SLC31A1: variants seen among roughly 807,000 people sequenced by gnomAD.
SLC31A1 encodes the protein high affinity copper uptake protein 1.
A neutral mutation model predicts 17.2 loss-of-function variants in SLC31A1; 5 were observed. The observed-to-expected ratio is 0.29, with a 90% CI of 0.15 to 0.61. The LOEUF (loss-of-function observed/expected upper bound fraction) is 0.61, where lower values mean the gene tolerates loss of function less well. Ranked by LOEUF, SLC31A1 falls within the 20% of genes least tolerant of loss-of-function variation. The pLI is 0.86. For missense variants in SLC31A1, 161 were observed against 241.4 expected (o/e 0.67, Z 2.21); for synonymous variants, 76 against 78.8 (o/e 0.96, Z 0.19).
intron 1 of SLC31A1, among the ~76,000 whole-genome samples, chr9:113,223,938 A>G (rs1482786387): frequency 6.6e-6 from 1 of 152,242 alleles, no homozygotes; most frequent in East Asian, 1.9e-4. Context: ...TAGGGCCATT[A>G]GTTGGTTAAC....
At chr9:113,227,759 A>G (rs1455897443) in intron 1 of SLC31A1, 1 of 152,248 alleles carries the variant, frequency 6.6e-6, no homozygotes, top group African/African-American at 2.4e-5. Flanking sequence ...AATGCTATGT[A>G]ATATAACTAA....
At position 113,250,675 on chromosome 9, in the gene SLC31A1, TA is replaced by T. The variant is rs779452254; in HGVS notation, c.-35-5427del. On this transcript the variant is annotated intron_variant, in intron 1 of 4. Coordinates refer to ENST00000374212, the MANE Select transcript of SLC31A1 (RefSeq NM_001859.4). ...CACATGTACCCTAAAACTTAAAGTA[TA>T]AAAAAAAAAAACTTCAAAAAAAAAA... 4.5e-3 allele frequency among the ~76,000 whole-genome samples: 534 copies of T among 119,984 alleles called. 3 individuals carry two copies. Among genetic ancestry groups the T allele is most frequent in the African/African-American group, 0.012 (392 of 32,144 alleles). 78.7% of individuals were successfully genotyped at this position (119,984 alleles called of 152,430 possible).
Position 113,263,221 on chromosome 9 carries a change from A to G in SLC31A1, c.*2748A>G, listed in dbSNP as rs2118526650. ...CTATGACTTTGAAATTCACAGAAAGAAATAACAGTTTAGATTAGGTCTTCA... is the reference window on the plus strand; with the variant it reads ...CTATGACTTTGAAATTCACAGAAAGGAATAACAGTTTAGATTAGGTCTTCA... On this transcript the variant is annotated 3_prime_UTR_variant, in exon 5 of 5. Coordinates refer to ENST00000374212, the MANE Select transcript of SLC31A1 (RefSeq NM_001859.4). 1 of 152,330 alleles carries G rather than the reference A, an allele frequency of 6.6e-6. No individual in the cohort carries two copies. The highest frequency in any genetic ancestry group is 1.9e-4 in the East Asian group (1 of 5,186). The allele number at this position is 152,330 out of a possible 1,614,324, so 9.4% of individuals were successfully genotyped here.
intron 1 of SLC31A1, among the ~76,000 whole-genome samples, chr9:113,227,084 T>G (rs1165749147): frequency 2.0e-5 from 3 of 152,126 alleles, no homozygotes; most frequent in African/African-American, 7.2e-5. Context: ...TCGATAGGTA[T>G]GCAATAAATA....
intron 1 of SLC31A1, among the ~76,000 whole-genome samples, chr9:113,252,047 CACTTCAAAACAGGTGCAT>C (rs1831660118): frequency 6.6e-6 from 1 of 152,194 alleles, no homozygotes; most frequent in Admixed American, 6.5e-5. Context: ...GCACAAATGA[CACTTCAAAACAGGTGCAT>C]ACTTTGAAAG....
At chr9:113,257,710 A>G (rs1338290284) in intron 3 of SLC31A1, among the ~76,000 whole-genome samples, 1 of 151,182 alleles carries the variant, frequency 6.6e-6, no homozygotes, top group Non-Finnish European at 1.5e-5. Flanking sequence ...CTGGTCTCGA[A>G]CTCCTCACCT....
chr9:113,247,264 C>T (rs895041660), intron 1 of SLC31A1, among the ~76,000 whole-genome samples: 9 of 152,104 alleles, frequency 5.9e-5, no homozygotes, highest in Non-Finnish European at 1.0e-4. Flanking sequence ...TGACCCTAAT[C>T]GTTTTAAGAA....
intron 1 of SLC31A1, among the ~76,000 whole-genome samples, chr9:113,252,946 C>CTTTTTTTTTTTT (rs1282361795): frequency 4.4e-5 from 5 of 113,702 alleles, no homozygotes; most frequent in East Asian, 2.6e-4. Context: ...CTTTTCTTTT[C>CTTTTTTTTTTTT]TTTTTTTCTT....
At chr9:113,230,930 C>T (rs1466189384) in intron 1 of SLC31A1, among the ~76,000 whole-genome samples, 1 of 152,108 alleles carries the variant, frequency 6.6e-6, no homozygotes, top group African/African-American at 2.4e-5. Context: ...TTTCCCTGTT[C>T]AATAGCAAGT....
chr9:113,256,751 C>T (rs1831732893), intron 2 of SLC31A1, among the ~76,000 whole-genome samples: 1 of 151,816 alleles, frequency 6.6e-6, no homozygotes, highest in Non-Finnish European at 1.5e-5. Flanking sequence ...GTCCCAGCTA[C>T]TTGGGAGGCT....
chr9:113,260,484 T>C lies in SLC31A1; in HGVS notation c.*11T>C. On this transcript the variant is annotated 3_prime_UTR_variant, in exon 5 of 5. Transcript: ENST00000374212. ...GAGCATTGCCATTGACATCAAACTC[T>C]ATGGCGTGGCCTTATCGATTGCAGT... is the stretch of plus-strand genomic sequence containing the variant. The C allele has an allele frequency of 6.2e-7, 1 of 1,607,286 alleles. No individual in the cohort carries two copies.
intron 1 of SLC31A1, among the ~76,000 whole-genome samples, chr9:113,249,830 G>GA (rs375173457): frequency 2.0e-5 from 3 of 150,840 alleles, no homozygotes; most frequent in Non-Finnish European, 1.5e-5. Flanking sequence ...AAATTTACAA[G>GA]AAAAAAAACA....
At chr9:113,248,338 CA>C (rs1831606893) in intron 1 of SLC31A1, among the ~76,000 whole-genome samples, 1 of 151,706 alleles carries the variant, frequency 6.6e-6, no homozygotes, top group South Asian at 2.1e-4. Context: ...AACAAACAAA[CA>C]AACAAAAATC....
intron 1 of SLC31A1, chr9:113,223,290 G>C (rs553712995): frequency 6.7e-6 from 3 of 446,086 alleles, no homozygotes; most frequent in East Asian, 1.4e-4. Context: ...ATGATGGTGA[G>C]TCTTGCCAGG....
chr9:113,233,239 A>G (rs1478738563), intron 1 of SLC31A1, among the ~76,000 whole-genome samples: 1 of 152,252 alleles, frequency 6.6e-6, no homozygotes, highest in Non-Finnish European at 1.5e-5. Flanking sequence ...CAGTAGGTAC[A>G]GTTTTACCGG....
rs1199765256 is a variant in SLC31A1 at position 113,245,492 on chromosome 9, C to G, written c.-35-10622C>G. 2.6e-5 allele frequency among the ~76,000 whole-genome samples: 4 copies of G among 152,272 alleles called. No homozygotes were observed. The East Asian group carries it at 7.7e-4, about 29-fold the overall frequency. On this transcript the variant is annotated intron_variant, in intron 1 of 4. Coordinates refer to ENST00000374212, the MANE Select transcript of SLC31A1 (RefSeq NM_001859.4). ...TTGGAATAGGAATATGAAGCCAGCA[C>G]CCGGGGAATGAGTAGGAAACATTAC...
At chr9:113,227,651 G>A (rs936030830) in intron 1 of SLC31A1, 1 of 152,112 alleles carries the variant, frequency 6.6e-6, no homozygotes, top group Non-Finnish European at 1.5e-5. Flanking sequence ...ATAAAAAAAA[G>A]GGAACAGTTC....
intron 1 of SLC31A1, chr9:113,223,219 G>C (rs4560868): frequency 0.47 from 212,796 of 449,890 alleles, 51,619 homozygotes; most frequent in South Asian, 0.58. Context: ...ACATGCATAC[G>C]CAGATTATCA....
intron 1 of SLC31A1, among the ~76,000 whole-genome samples, chr9:113,224,462 C>G (rs919265997): frequency 8.1e-5 from 12 of 147,736 alleles, no homozygotes; most frequent in Middle Eastern, 3.2e-3. Flanking sequence ...GAGTTTCGCT[C>G]TTGTTGCCCA....
Sources: gnomAD v4.1 joint callset for allele counts (sites outside exome capture counted in the v4.1 genomes callset) on GRCh38, gnomAD v4.1.1 for gene constraint, MANE v1.5 for transcripts, NCBI Gene and HGNC (gene_info 2026-07-23, HGNC 2026-07-21) for gene names.